Variants in CDH20 observed in about 807,000 individuals in gnomAD.
CDH20 encodes the protein cadherin 20, also known as cadherin-20.
CDH20 carries 29 observed loss-of-function variants against 74.2 expected under a neutral mutation model. The observed-to-expected ratio is 0.39, with a 90% CI of 0.29 to 0.53. The LOEUF is 0.53. Ranked by LOEUF, CDH20 falls within the 20% of genes least tolerant of loss-of-function variation. The probability of loss-of-function intolerance (pLI) is 0.69; values close to 1 mark genes in which losing one functional copy is unlikely to be tolerated. For synonymous variants in CDH20, 469 were observed against 405.4 expected, an observed-to-expected ratio of 1.16 and a Z score of -1.88; for missense variants, 988 against 1,048.3, an observed-to-expected ratio of 0.94 and a Z score of 0.79.
At chr18:61,444,697 C>T (rs1909145429) in intron 1 of CDH20, among the ~76,000 whole-genome samples, 1 of 152,202 alleles carries the variant, frequency 6.6e-6, no homozygotes, top group African/African-American at 2.4e-5. Flanking sequence ...CAGCAAACTA[C>T]AGCCGTGAAC....
At chr18:61,374,260 A>T (rs895857509) in intron 1 of CDH20, among the ~76,000 whole-genome samples, 2 of 152,124 alleles carry the variant, frequency 1.3e-5, no homozygotes, top group African/African-American at 4.8e-5. Context: ...GAGAGTAGTG[A>T]GTAGGTGCAT....
intron 1 of CDH20, among the ~76,000 whole-genome samples, chr18:61,397,484 C>T (rs937067987): frequency 1.3e-5 from 2 of 152,146 alleles, no homozygotes; most frequent in African/African-American, 4.8e-5. Flanking sequence ...CGGGCTGGCT[C>T]CTTTTAACCA....
intron 1 of CDH20, among the ~76,000 whole-genome samples, chr18:61,408,187 G>T (rs188618879): frequency 6.6e-6 from 1 of 152,114 alleles, no homozygotes; most frequent in African/African-American, 2.4e-5. Flanking sequence ...AAGTGGGGAG[G>T]GAAGATAGGA....
At chr18:61,538,931 C>A (rs577276273) in intron 8 of CDH20, 93 bp from the exon 9 acceptor site, 8 of 1,471,248 alleles carry the variant, frequency 5.4e-6, no homozygotes, top group Non-Finnish European at 5.6e-6. Context: ...TGCGCCCAGT[C>A]GTAAATACCG....
intron 1 of CDH20, among the ~76,000 whole-genome samples, chr18:61,339,681 ATTTTTT>A (rs898945778): frequency 1.1e-5 from 1 of 88,418 alleles, no homozygotes; most frequent in Non-Finnish European, 2.1e-5. Context: ...GGTCATAGAA[ATTTTTT>A]TTTTTTTTTT....
chr18:61,406,123 T>C (rs1045823879), intron 1 of CDH20, among the ~76,000 whole-genome samples: 2 of 152,016 alleles, frequency 1.3e-5, no homozygotes, highest in Admixed American at 1.3e-4. Flanking sequence ...AATATTTGAG[T>C]GGGTTTAAAA....
chr18:61,339,227 T>C (rs1404476482), intron 1 of CDH20, among the ~76,000 whole-genome samples: 1 of 152,124 alleles, frequency 6.6e-6, no homozygotes, highest in African/African-American at 2.4e-5. Flanking sequence ...AAATGTACAA[T>C]ATCTCTTTAT....
At chr18:61,388,377 C>G (rs777535094) in intron 1 of CDH20, among the ~76,000 whole-genome samples, 2 of 152,130 alleles carry the variant, frequency 1.3e-5, no homozygotes, top group Non-Finnish European at 2.9e-5. Flanking sequence ...AATGTTTAGT[C>G]TTGATTAACT....
At chr18:61,478,157 C>T (rs953956268) in intron 1 of CDH20, among the ~76,000 whole-genome samples, 1 of 151,598 alleles carries the variant, frequency 6.6e-6, no homozygotes. Flanking sequence ...TGAGATTGTG[C>T]CACTGCACTC....
At chr18:61,498,869 T>C (rs1393437134) in intron 2 of CDH20, among the ~76,000 whole-genome samples, 1 of 152,198 alleles carries the variant, frequency 6.6e-6, no homozygotes, top group Non-Finnish European at 1.5e-5. Context: ...ATTAAATTTG[T>C]TCTTATTCTA....
chr18:61,420,220 C>T lies in CDH20; in HGVS notation c.-152-70182C>T, dbSNP rs138886396. On this transcript the variant is annotated intron_variant, in intron 1 of 11. Coordinates refer to ENST00000262717, the MANE Select transcript of CDH20 (RefSeq NM_031891.4). ...GTTTGCATTATTCCTTTTAATTTTG[C>T]CTGTTCCATCAGCCCATTGAGCTGT... 4.6e-5 allele frequency among the ~76,000 whole-genome samples: 7 copies of T among 152,264 alleles called. No homozygotes were observed. The East Asian group carries it at 1.3e-3, about 29-fold the overall frequency.
intron 1 of CDH20, among the ~76,000 whole-genome samples, chr18:61,396,190 G>GCT (rs1275655659): frequency 6.6e-6 from 1 of 152,044 alleles, no homozygotes; most frequent in Middle Eastern, 3.2e-3. Context: ...ACAGAAGAGT[G>GCT]CTCTCTCTCT....
chr18:61,454,847 C>A (rs1268268947), intron 1 of CDH20, among the ~76,000 whole-genome samples: 1 of 152,144 alleles, frequency 6.6e-6, no homozygotes, highest in Non-Finnish European at 1.5e-5. Context: ...TTTGTAGGTC[C>A]CCATTGTGGT....
At chr18:61,527,560 G>C (rs1287718775) in intron 6 of CDH20, among the ~76,000 whole-genome samples, 3 of 152,058 alleles carry the variant, frequency 2.0e-5, no homozygotes, top group African/African-American at 7.2e-5. Context: ...TAGAGTCCTA[G>C]GAAATGAAAC....
intron 5 of CDH20, among the ~76,000 whole-genome samples, chr18:61,503,650 A>C (rs1911464481): frequency 6.6e-6 from 1 of 152,232 alleles, no homozygotes. Flanking sequence ...ACCCCTGGAC[A>C]TGAAGGGCAC....
chr18:61,476,123 C>T (rs887645984), intron 1 of CDH20, among the ~76,000 whole-genome samples: 1 of 152,082 alleles, frequency 6.6e-6, no homozygotes, highest in African/African-American at 2.4e-5. Flanking sequence ...TCGCCACATC[C>T]CCGTTAAGAT....
intron 2 of CDH20, among the ~76,000 whole-genome samples, chr18:61,496,321 C>T (rs1012996508): frequency 4.8e-5 from 7 of 145,160 alleles, no homozygotes; most frequent in African/African-American, 1.6e-4. Context: ...TCCCCCTCTT[C>T]CCCTGCTCAT....
chr18:61,506,999 A>G (rs1415150959), intron 5 of CDH20, among the ~76,000 whole-genome samples: 3 of 152,230 alleles, frequency 2.0e-5, no homozygotes, highest in Non-Finnish European at 4.4e-5. Flanking sequence ...CTTTGTGACC[A>G]CAGTGTTTAT....
intron 1 of CDH20, among the ~76,000 whole-genome samples, chr18:61,418,211 G>A (rs2144266681): frequency 6.6e-6 from 1 of 152,036 alleles, no homozygotes; most frequent in Admixed American, 6.5e-5. Context: ...TTTTCAATGA[G>A]AATAAAATCA....
Sources: allele counts gnomAD v4.1 joint callset (sites outside exome capture counted in the v4.1 genomes callset), GRCh38; gene constraint gnomAD v4.1.1; transcripts MANE v1.5; gene names NCBI Gene and HGNC (gene_info 2026-07-23, HGNC 2026-07-21).